The following NRDE2 variants were observed in gnomAD, a reference collection of about 807,000 sequenced individuals.
The protein encoded by NRDE2 is NRDE-2, necessary for RNA interference, domain containing, also known as nuclear exosome regulator NRDE2.
In NRDE2, 76 loss-of-function variants were observed where a neutral mutation model predicts 124.2. That is an observed-to-expected ratio of 0.61 (90% CI 0.51 to 0.74). NRDE2 has a LOEUF of 0.74. Among genes scored for constraint, NRDE2 ranks in the 30% least tolerant of loss-of-function variants. The pLI is 0.00. For missense variants in NRDE2, 1,314 were observed against 1,417.3 expected (o/e 0.93, Z 1.17); for synonymous variants, 489 against 528.1 (o/e 0.93, Z 1.01).
Position 90,270,862 on chromosome 14 carries a change from C to T in NRDE2, c.*7474G>A, listed in dbSNP as rs1399698905. ...GGTCTGGCAGCGTTGAATATGGGTT[C>T]TACCTGCTTTTCCTGGAAAGAGCTG... is the stretch of plus-strand genomic sequence containing the variant. On this transcript the variant is annotated 3_prime_UTR_variant, in exon 14 of 14. Transcript: ENST00000354366. 6.6e-6 allele frequency: 1 copy of T among 152,316 alleles called. No individual in the cohort carries two copies. Among genetic ancestry groups the T allele is most frequent in the Admixed American group, 6.5e-5 (1 of 15,284 alleles). 9.4% of individuals were successfully genotyped at this position (152,316 alleles called of 1,614,324 possible).
At chr14:90,305,508 C>T (rs1884564893) in intron 4 of NRDE2, among the ~76,000 whole-genome samples, 1 of 152,206 alleles carries the variant, frequency 6.6e-6, no homozygotes, top group African/African-American at 2.4e-5. Flanking sequence ...AACAGCCAAA[C>T]ACTGAAAGAG....
chr14:90,318,225 G>C, intron 1 of NRDE2, 112 bp from the exon 2 acceptor site: 1 of 790,958 alleles, frequency 1.3e-6, no homozygotes, highest in Non-Finnish European at 2.1e-6. Context: ...ATGCCAGCCA[G>C]ACGTTTTGAA....
At chr14:90,302,579 G>GT in intron 6 of NRDE2, 141 bp downstream of exon 6, 1 of 950,572 alleles carries the variant, frequency 1.1e-6, no homozygotes, top group East Asian at 2.7e-5. Context: ...AAAAAGAGTC[G>GT]TAATACTTTT....
At chr14:90,295,830 CT>C (rs1340478812) in intron 8 of NRDE2, among the ~76,000 whole-genome samples, 5 of 152,166 alleles carry the variant, frequency 3.3e-5, no homozygotes, top group Non-Finnish European at 5.9e-5. Flanking sequence ...TTTTGGAGGA[CT>C]TCCATTAAAT....
chr14:90,289,875 A>G (rs1406962139), intron 10 of NRDE2, among the ~76,000 whole-genome samples: 2 of 152,236 alleles, frequency 1.3e-5, no homozygotes, highest in Non-Finnish European at 2.9e-5. Context: ...GGCGTGAGCC[A>G]CCGCGCCTGA....
At chr14:90,305,785 GACTT>G (rs561018439) in intron 4 of NRDE2, among the ~76,000 whole-genome samples, 3 of 152,244 alleles carry the variant, frequency 2.0e-5, no homozygotes, top group Non-Finnish European at 4.4e-5. Flanking sequence ...ATGGGGTACA[GACTT>G]ACCAGAAAAG....
rs2139655368 is a variant in NRDE2 at position 90,273,455 on chromosome 14, G to A, written c.*4881C>T. ...TGCCTGTAGTCCCAGCTACTCAGGA[G>A]GCTGAGGCAGGACAATCGCTTGAAC... On this transcript the variant is annotated 3_prime_UTR_variant, in exon 14 of 14. Coordinates refer to ENST00000354366, the MANE Select transcript of NRDE2 (RefSeq NM_017970.4). The A allele has an allele frequency of 1.3e-5, 2 of 152,364 alleles. No homozygotes were observed. Among genetic ancestry groups the A allele is most frequent in the South Asian group, 4.1e-4 (2 of 4,822 alleles). 9.4% of individuals were successfully genotyped at this position (152,364 alleles called of 1,614,324 possible).
In NRDE2 at chr14:90,290,346, T is replaced by A; in HGVS notation, c.2104A>T (p.Thr702Ser). The A allele has an allele frequency of 6.2e-7, 1 of 1,614,080 alleles. No individual in the cohort carries two copies. Among genetic ancestry groups the A allele is most frequent in the Non-Finnish European group, 8.5e-7 (1 of 1,180,030 alleles). The change falls in exon 10 of 14, where the codon ACC becomes TCC. Residue 702 changes from threonine (T) to serine (S), a missense_variant. Thr to Ser is a moderately conservative substitution (Grantham distance 58, BLOSUM62 1). Coordinates refer to ENST00000354366, the MANE Select transcript of NRDE2 (RefSeq NM_017970.4). ...TCGCCCTCTCGGTTCTGACCCCTGG[T>A]CCAGCGAGGATAGCCCAACCTATCC... is the stretch of plus-strand genomic sequence containing the variant. ...RMDRLGYPRW[T>S]RGQNREGEEF...
chr14:90,326,776 T>C (rs1885456633), intron 1 of NRDE2, among the ~76,000 whole-genome samples: 1 of 152,122 alleles, frequency 6.6e-6, no homozygotes, highest in African/African-American at 2.4e-5. Context: ...TCACCATATA[T>C]CAAACTGGTG....
Position 90,268,496 on chromosome 14 carries a change from G to A in NRDE2, c.*9840C>T, listed in dbSNP as rs566417995. On this transcript the variant is annotated 3_prime_UTR_variant, in exon 14 of 14. Transcript: ENST00000354366. ...TCTTGAGAATGAGCAATCTCAGGGG[G>A]CTCTCCCTATGGCCACAGTTCTTGC... is the stretch of plus-strand genomic sequence containing the variant. 3.6e-5 allele frequency: 49 copies of A among 1,363,900 alleles called. No individual in the cohort carries two copies. The African/African-American group carries it at 5.5e-4, about 15-fold the overall frequency. The allele number at this position is 1,363,900 out of a possible 1,614,324, so 84.5% of individuals were successfully genotyped here.
rs747561855 is a variant in NRDE2, at chr14:90,288,969, A to C, written c.2406T>G (p.Val802=). 1.2e-6 allele frequency: 2 copies of C among 1,613,010 alleles called. No individual in the cohort carries two copies. Among genetic ancestry groups the C allele is most frequent in the East Asian group, 2.2e-5 (1 of 44,842 alleles). The change falls in exon 11 of 14, where the codon GTT becomes GTG. Residue 802 remains valine (V), a synonymous_variant. Transcript: ENST00000354366. ...LLGNTEDARK[V]FDTALGMAGS... The stretch of plus-strand genomic sequence containing the variant: ...CTGCCATGCCAAGTGCTGTGTCAAA[A>C]ACTTTTCTGGCATCCTCCGTGTTGC...
rs1892314525 is a variant in NRDE2 at position 90,292,985 on chromosome 14, AGC to A, written c.1667-115_1667-114del. 3 of 894,556 alleles carry A rather than the reference AGC, an allele frequency of 3.4e-6. No homozygotes were observed. The Admixed American group carries it at 6.7e-5, about 20-fold the overall frequency. The allele number at this position is 894,556 out of a possible 1,614,324, so 55.4% of individuals were successfully genotyped here. ...CACCCGCAATGCCAAGATGTGTAAG[AGC>A]CATGCCAGTCTCCCAGGATACTCAG... is the stretch of plus-strand genomic sequence containing the variant. On this transcript the variant is annotated intron_variant, in intron 8 of 13. Transcript: ENST00000354366.
chr14:90,286,637 T>C, intron 11 of NRDE2, 145 bp from the exon 12 acceptor site: 1 of 1,016,370 alleles, frequency 9.8e-7, no homozygotes, highest in Non-Finnish European at 1.4e-6. Flanking sequence ...CGTAGAGCGC[T>C]GTGTATGGGG....
chr14:90,268,482 A>C lies in NRDE2; in HGVS notation c.*9854T>G, dbSNP rs11624246. ...CCGCATAGCTCTTCTCTTGAGAATG[A>C]GCAATCTCAGGGGGCTCTCCCTATG... is the stretch of plus-strand genomic sequence containing the variant. On this transcript the variant is annotated 3_prime_UTR_variant, in exon 14 of 14. Coordinates refer to ENST00000354366, the MANE Select transcript of NRDE2 (RefSeq NM_017970.4). 1.4e-6 allele frequency: 2 copies of C among 1,476,672 alleles called. No individual in the cohort carries two copies. Among genetic ancestry groups the C allele is most frequent in the African/African-American group, 2.8e-5 (2 of 71,676 alleles). 91.5% of individuals were successfully genotyped at this position (1,476,672 alleles called of 1,614,324 possible).
Position 90,318,074 on chromosome 14 carries a change from G to T in NRDE2, c.104C>A (p.Ser35Tyr), listed in dbSNP as rs200339488. The change falls in exon 2 of 14, where the codon TCC becomes TAC. Residue 35 changes from serine (S) to tyrosine (Y), a missense_variant. By Grantham distance (144) the Ser-to-Tyr change is moderately radical. Transcript: ENST00000354366. ...WLSNPSFCVG[S>Y]ITSLSQQTEA... The stretch of plus-strand genomic sequence containing the variant: ...AGTTTGTTGGCTCAGGGACGTTATG[G>T]ATCCAACACAAAAGCTTGGGTTGCT... 78 of 1,614,118 alleles carry T rather than the reference G, an allele frequency of 4.8e-5. No homozygotes were observed. In the Admixed American group the frequency reaches 1.0e-3, roughly 21 times the overall value.
At chr14:90,284,961 A>G (rs1052967263) in intron 12 of NRDE2, among the ~76,000 whole-genome samples, 8 of 152,066 alleles carry the variant, frequency 5.3e-5, no homozygotes, top group Non-Finnish European at 1.2e-4. Flanking sequence ...GGTACTTTTA[A>G]ATGAACACAA....
intron 10 of NRDE2, among the ~76,000 whole-genome samples, chr14:90,289,674 A>G (rs73318614): frequency 0.019 from 2,959 of 152,226 alleles, 84 homozygotes; most frequent in African/African-American, 0.065. Flanking sequence ...GGCAACCTCT[A>G]CCTTCCATGT....
chr14:90,315,273 A>C (rs1885002189), intron 3 of NRDE2, among the ~76,000 whole-genome samples: 1 of 144,552 alleles, frequency 6.9e-6, no homozygotes, highest in Non-Finnish European at 1.5e-5. Context: ...TGGGAGGCTG[A>C]GGCATGAGAA....
At chr14:90,309,833 T>C (rs1183732858) in intron 4 of NRDE2, among the ~76,000 whole-genome samples, 2 of 152,216 alleles carry the variant, frequency 1.3e-5, no homozygotes. Flanking sequence ...AAGATTTGTC[T>C]TGTGTAAACT....
Sources: allele counts gnomAD v4.1 joint callset (sites outside exome capture counted in the v4.1 genomes callset), GRCh38; gene constraint gnomAD v4.1.1; transcripts MANE v1.5; gene names NCBI Gene and HGNC (gene_info 2026-07-23, HGNC 2026-07-21).